Variants in TRAF3IP1 observed in about 807,000 individuals in gnomAD.
The protein encoded by TRAF3IP1 is intraflagellar transport 54.
A neutral mutation model predicts 89.9 loss-of-function variants in TRAF3IP1; 53 were observed. The observed-to-expected ratio is 0.59, with a 90% CI of 0.47 to 0.74. TRAF3IP1 has a LOEUF of 0.74. Ranked by LOEUF, TRAF3IP1 falls within the 30% of genes least tolerant of loss-of-function variation. TRAF3IP1 has a pLI of 0.00. For synonymous variants in TRAF3IP1, 311 were observed against 322.1 expected (o/e 0.97, Z 0.37); for missense variants, 806 against 866.1 (o/e 0.93, Z 0.87).
chr2:238,365,778 T>C (rs1213582980), intron 15 of TRAF3IP1, among the ~76,000 whole-genome samples: 3 of 152,166 alleles, frequency 2.0e-5, no homozygotes, highest in Non-Finnish European at 4.4e-5. Flanking sequence ...CATGAAGGGT[T>C]ATATGGTGGG....
chr2:238,357,551 GA>G (rs1452883717), intron 15 of TRAF3IP1, among the ~76,000 whole-genome samples: 1 of 152,216 alleles, frequency 6.6e-6, no homozygotes, highest in Non-Finnish European at 1.5e-5. Flanking sequence ...ACAGTAGAGG[GA>G]GCCCTTTTAA....
intron 15 of TRAF3IP1, among the ~76,000 whole-genome samples, chr2:238,371,460 C>G (rs559649381): frequency 5.3e-4 from 81 of 152,288 alleles, no homozygotes; most frequent in African/African-American, 1.9e-3. Flanking sequence ...GAGAAAGAAA[C>G]TGACCCAAGA....
rs55930540 is a variant in TRAF3IP1 at position 238,343,269 on chromosome 2, A to G, written c.1160-1228A>G. Among the ~76,000 whole-genome samples the G allele has an allele frequency of 3.9e-3, 597 of 152,018 alleles. 4 individuals carry two copies. Among genetic ancestry groups the G allele is most frequent in the Non-Finnish European group, 7.0e-3 (477 of 67,974 alleles). On this transcript the variant is annotated intron_variant, in intron 8 of 16. Coordinates refer to ENST00000373327, the MANE Select transcript of TRAF3IP1 (RefSeq NM_015650.4). ...CCCGGCTAATTTTTCTATTTTTAGT[A>G]GAGATGGGGTTTCACCATGTTGGCC...
At chr2:238,356,458 C>T (rs946621134) in intron 15 of TRAF3IP1, among the ~76,000 whole-genome samples, 6 of 152,080 alleles carry the variant, frequency 3.9e-5, no homozygotes, top group East Asian at 1.9e-4. Context: ...GATTGTGCCA[C>T]GGCACTCCAG....
At chr2:238,333,607 T>G (rs761220876) in intron 6 of TRAF3IP1, among the ~76,000 whole-genome samples, 3 of 152,256 alleles carry the variant, frequency 2.0e-5, no homozygotes, top group Non-Finnish European at 4.4e-5. Flanking sequence ...TTTTACCTTC[T>G]GAGTTGCTTA....
chr2:238,361,989 C>T (rs1559378219), intron 15 of TRAF3IP1, among the ~76,000 whole-genome samples: 1 of 152,226 alleles, frequency 6.6e-6, no homozygotes, highest in Non-Finnish European at 1.5e-5. Flanking sequence ...CCACCTTCAT[C>T]CGAGTTGCCT....
At chr2:238,343,085 GC>G (rs1212933130) in intron 8 of TRAF3IP1, among the ~76,000 whole-genome samples, 1 of 146,634 alleles carries the variant, frequency 6.8e-6, no homozygotes, top group Non-Finnish European at 1.5e-5. Context: ...CCTCATCTGG[GC>G]CCCCTATTTT....
chr2:238,378,056 A>G (rs1464136353), intron 15 of TRAF3IP1, among the ~76,000 whole-genome samples: 1 of 152,014 alleles, frequency 6.6e-6, no homozygotes, highest in Non-Finnish European at 1.5e-5. Flanking sequence ...TTTAACCAAT[A>G]TTACTTACTT....
At chr2:238,362,705 A>G (rs1339585396) in intron 15 of TRAF3IP1, among the ~76,000 whole-genome samples, 1 of 152,270 alleles carries the variant, frequency 6.6e-6, no homozygotes, top group Non-Finnish European at 1.5e-5. Context: ...ATCCATTTGC[A>G]TAGCCAGAAA....
Position 238,338,419 on chromosome 2 carries a change from A to G in TRAF3IP1, c.1121A>G (p.Asn374Ser). 6.3e-7 allele frequency: 1 copy of G among 1,599,820 alleles called. No homozygotes were observed. The highest frequency in any genetic ancestry group is 2.0e-4 in the Middle Eastern group (1 of 4,914). The change falls in exon 8 of 17, where the codon AAT becomes AGT. Residue 374 changes from asparagine (N) to serine (S), a missense_variant. Around this residue, in one of 3 missense-constraint regions of TRAF3IP1, gnomAD observed 732 missense variants for 780.5 expected, o/e 0.94. Coordinates refer to ENST00000373327, the MANE Select transcript of TRAF3IP1 (RefSeq NM_015650.4). ...TTAGACTCCATAGTGTCTGGAATAA[A>G]TAATGAGCCAAATCAGGAAACGACA... ...KSLDSIVSGI[N>S]NEPNQETTTS...
At chr2:238,353,691 T>G (rs1699278691) in intron 14 of TRAF3IP1, among the ~76,000 whole-genome samples, 1 of 152,206 alleles carries the variant, frequency 6.6e-6, no homozygotes, top group Admixed American at 6.5e-5. Flanking sequence ...ACAATATGAC[T>G]TTGTTTCCTG....
At chr2:238,332,218 A>G (rs1381086508) in intron 5 of TRAF3IP1, among the ~76,000 whole-genome samples, 1 of 152,222 alleles carries the variant, frequency 6.6e-6, no homozygotes, top group Non-Finnish European at 1.5e-5. Context: ...TCCTAGAGGA[A>G]AATCTCAATG....
chr2:238,362,899 T>C (rs1699723254), intron 15 of TRAF3IP1, among the ~76,000 whole-genome samples: 2 of 152,184 alleles, frequency 1.3e-5, no homozygotes, highest in South Asian at 4.1e-4. Context: ...GGCGGGAAGC[T>C]TTGCCAAAGC....
intron 7 of TRAF3IP1, among the ~76,000 whole-genome samples, chr2:238,337,589 G>T (rs1260766755): frequency 1.3e-5 from 2 of 152,252 alleles, no homozygotes; most frequent in Admixed American, 6.5e-5. Flanking sequence ...GCGAGGAGGG[G>T]GCCATGGCAT....
rs773747282 is a variant in TRAF3IP1, at chr2:238,325,286, CCTTT to C, written c.124-13_124-10del. ...GGCTGTCTGTGAGGTGACATGGTGG[CCTTT>C]CTTTCTCTCTTGAAGGTGATTAGAA... is the stretch of plus-strand genomic sequence containing the variant. On this transcript the variant is annotated splice_polypyrimidine_tract_variant and intron_variant, in intron 1 of 16. Coordinates refer to ENST00000373327, the MANE Select transcript of TRAF3IP1 (RefSeq NM_015650.4). The C allele has an allele frequency of 3.7e-6, 6 of 1,613,692 alleles. No individual in the cohort carries two copies. In the South Asian group the frequency reaches 5.5e-5, roughly 15 times the overall value.
intron 15 of TRAF3IP1, among the ~76,000 whole-genome samples, chr2:238,374,886 A>G (rs1386180800): frequency 2.0e-5 from 3 of 151,572 alleles, no homozygotes; most frequent in East Asian, 3.9e-4. Flanking sequence ...GAATTTATCT[A>G]TTTTTTCTAG....
intron 14 of TRAF3IP1, among the ~76,000 whole-genome samples, chr2:238,353,571 G>A (rs1699271240): frequency 6.6e-6 from 1 of 152,102 alleles, no homozygotes; most frequent in Non-Finnish European, 1.5e-5. Flanking sequence ...TTTTCTAGCT[G>A]GACAACTCAG....
chr2:238,353,391 G>C (rs566609207), intron 14 of TRAF3IP1, among the ~76,000 whole-genome samples, 182 bp downstream of exon 14: 11 of 152,206 alleles, frequency 7.2e-5, no homozygotes, highest in Non-Finnish European at 1.6e-4. Flanking sequence ...CTCTTAAGGC[G>C]ATGGCTGCTG....
At chr2:238,376,358 G>C (rs186409405) in intron 15 of TRAF3IP1, among the ~76,000 whole-genome samples, 5 of 152,276 alleles carry the variant, frequency 3.3e-5, no homozygotes, top group African/African-American at 1.2e-4. Flanking sequence ...AGTTTATACT[G>C]CTCCACTGGC....
Sources: gnomAD v4.1 joint callset for allele counts (sites outside exome capture counted in the v4.1 genomes callset) on GRCh38, gnomAD v4.1.1 for gene constraint, gnomAD v4.1.1 regional missense constraint, MANE v1.5 for transcripts, NCBI Gene and HGNC (gene_info 2026-07-23, HGNC 2026-07-21) for gene names.